Variants in GLIS3 observed in about 807,000 individuals in gnomAD.
The protein encoded by GLIS3 is zinc finger protein GLIS3.
A neutral mutation model predicts 78.6 loss-of-function variants in GLIS3; 53 were observed. The ratio of observed to expected loss-of-function variants is 0.67; its 90% CI spans 0.54 to 0.85. The LOEUF is 0.85. Ranked by LOEUF, GLIS3 falls within the 40% of genes least tolerant of loss-of-function variation. GLIS3 has a pLI of 0.00. For missense variants in GLIS3, 1,703 were observed against 1,231.1 expected (o/e 1.38, Z -5.74); for synonymous variants, 684 against 509.9 (o/e 1.34, Z -4.60).
Position 4,299,453 on chromosome 9 carries a change from C to T in GLIS3, c.-131G>A, listed in dbSNP as rs7852293. The T allele has an allele frequency of 0.43, 65,486 of 152,434 alleles. 17,752 individuals carry two copies. Among genetic ancestry groups the T allele is most frequent in the African/African-American group, 0.78 (32,343 of 41,548 alleles). 9.4% of individuals were successfully genotyped at this position (152,434 alleles called of 1,614,324 possible). ...CCGGGATTTCCACAACAAAGCCCGG[C>T]GTGCGGGTCCCTTCCCCCGGCCGGC... On this transcript the variant is annotated 5_prime_UTR_variant, in exon 1 of 11. Transcript: ENST00000381971.
At chr9:4,218,273 G>C (rs1821025803) in intron 2 of GLIS3, among the ~76,000 whole-genome samples, 1 of 152,068 alleles carries the variant, frequency 6.6e-6, no homozygotes, top group Non-Finnish European at 1.5e-5. Flanking sequence ...GTCTAAACCA[G>C]AGCTGTTTGG....
At chr9:4,163,822 T>A (rs1835685982) in intron 2 of GLIS3, among the ~76,000 whole-genome samples, 1 of 152,218 alleles carries the variant, frequency 6.6e-6, no homozygotes, top group South Asian at 2.1e-4. Flanking sequence ...GTGGTGGTGG[T>A]TTTGTTGTGC....
At chr9:4,316,256 C>G (rs1817435547) in intron 2 of GLIS3, among the ~76,000 whole-genome samples, 1 of 152,196 alleles carries the variant, frequency 6.6e-6, no homozygotes. Context: ...GCTACCTTTG[C>G]AAATCCAGTG....
chr9:4,403,621 T>G, the GLIS3 span, among the ~76,000 whole-genome samples: 1 of 152,196 alleles, frequency 6.6e-6, no homozygotes, highest in East Asian at 1.9e-4. Flanking sequence ...CATGTTTATT[T>G]GTTTGGATAT....
intron 2 of GLIS3, among the ~76,000 whole-genome samples, chr9:4,267,077 G>A (rs541334892): frequency 6.6e-5 from 10 of 152,134 alleles, no homozygotes; most frequent in African/African-American, 1.7e-4. Flanking sequence ...ATGCATGAGC[G>A]TAAAGGTGAG....
chr9:4,085,724 A>G (rs1313165838), intron 4 of GLIS3, among the ~76,000 whole-genome samples: 2 of 152,116 alleles, frequency 1.3e-5, no homozygotes, highest in African/African-American at 4.8e-5. Context: ...CTGTCCTCGC[A>G]ATAGTCAGTG....
At chr9:3,889,947 T>A (rs906190910) in intron 7 of GLIS3, among the ~76,000 whole-genome samples, 1 of 152,198 alleles carries the variant, frequency 6.6e-6, no homozygotes, top group Non-Finnish European at 1.5e-5. Flanking sequence ...ACTAGGGAAC[T>A]GTTTTTGAAA....
the GLIS3 span, among the ~76,000 whole-genome samples, chr9:4,387,474 A>T: frequency 6.6e-6 from 1 of 152,154 alleles, no homozygotes; most frequent in Non-Finnish European, 1.5e-5. Context: ...TTGTCGTTCA[A>T]ATTGGAGACA....
intron 2 of GLIS3, among the ~76,000 whole-genome samples, chr9:4,313,645 T>A (rs1817397326): frequency 6.6e-6 from 1 of 152,158 alleles, no homozygotes; most frequent in African/African-American, 2.4e-5. Context: ...TGTTCTTGAG[T>A]CAAAATGGAC....
At chr9:3,840,058 A>AT (rs1818619159) in intron 9 of GLIS3, among the ~76,000 whole-genome samples, 1 of 152,032 alleles carries the variant, frequency 6.6e-6, no homozygotes, top group Admixed American at 6.6e-5. Flanking sequence ...TGGATGAATG[A>AT]TTTTTTCTTG....
At chr9:4,043,063 C>G (rs561920220) in intron 4 of GLIS3, among the ~76,000 whole-genome samples, 259 of 152,170 alleles carry the variant, frequency 1.7e-3, no homozygotes, top group Non-Finnish European at 1.9e-3. Context: ...TGGTTTTTCT[C>G]CCCCGGAGCC....
chr9:4,080,985 T>C (rs1252766122), intron 4 of GLIS3, among the ~76,000 whole-genome samples: 2 of 152,224 alleles, frequency 1.3e-5, no homozygotes, highest in African/African-American at 2.4e-5. Flanking sequence ...GCAACTGATT[T>C]CATGAGCAGG....
At chr9:4,166,221 A>G (rs1000418478) in intron 2 of GLIS3, among the ~76,000 whole-genome samples, 1 of 152,190 alleles carries the variant, frequency 6.6e-6, no homozygotes, top group Non-Finnish European at 1.5e-5. Flanking sequence ...GCTATAATCA[A>G]TACGTTTATT....
At chr9:4,134,371 A>G (rs1300549072) in intron 2 of GLIS3, among the ~76,000 whole-genome samples, 1 of 152,218 alleles carries the variant, frequency 6.6e-6, no homozygotes, top group Non-Finnish European at 1.5e-5. Context: ...CACCTCCTTC[A>G]AAAGCAAATA....
intron 4 of GLIS3, among the ~76,000 whole-genome samples, chr9:4,054,121 A>C (rs527988681): frequency 3.9e-5 from 6 of 152,354 alleles, no homozygotes; most frequent in Admixed American, 3.3e-4. Flanking sequence ...GAAGAGTTGA[A>C]GATGAAGACA....
At chr9:4,032,097 A>G (rs933588438) in intron 4 of GLIS3, among the ~76,000 whole-genome samples, 4 of 152,126 alleles carry the variant, frequency 2.6e-5, no homozygotes, top group African/African-American at 9.7e-5. Flanking sequence ...AGAGCAAGGG[A>G]CACCAAGTGA....
chr9:4,428,695 T>C, the GLIS3 span, among the ~76,000 whole-genome samples: 1,220 of 152,128 alleles, frequency 8.0e-3, 18 homozygotes, highest in African/African-American at 0.028. Context: ...TAATTTAACA[T>C]AGTATATAGG....
intron 4 of GLIS3, among the ~76,000 whole-genome samples, chr9:3,990,200 A>C (rs1820112908): frequency 6.6e-6 from 1 of 152,200 alleles, no homozygotes; most frequent in Non-Finnish European, 1.5e-5. Context: ...GCTTTTTTGC[A>C]TCATTCTTCA....
At chr9:3,913,130 G>A (rs560565539) in intron 6 of GLIS3, among the ~76,000 whole-genome samples, 23 of 152,324 alleles carry the variant, frequency 1.5e-4, no homozygotes, top group African/African-American at 5.3e-4. Context: ...TACAGCTTAG[G>A]AAGTGTGGGG....
Sources: allele counts gnomAD v4.1 joint callset (sites outside exome capture counted in the v4.1 genomes callset), GRCh38; gene constraint gnomAD v4.1.1; transcripts MANE v1.5; gene names NCBI Gene and HGNC (gene_info 2026-07-23, HGNC 2026-07-21).